The following LRP1B variants were observed in gnomAD, a reference collection of about 807,000 sequenced individuals.
LRP1B encodes LDL receptor related protein 1B, also known as low-density lipoprotein receptor-related protein 1B.
LRP1B carries 217 observed loss-of-function variants against 556.6 expected under a neutral mutation model. That is an observed-to-expected ratio of 0.39 (90% CI 0.35 to 0.44). The LOEUF (loss-of-function observed/expected upper bound fraction) is 0.44. Ranked by LOEUF, LRP1B falls within the 20% of genes least tolerant of loss-of-function variation. LRP1B has a pLI of 1.00. For missense variants in LRP1B, 5,053 were observed against 5,620.8 expected (o/e 0.90, Z 3.23); for synonymous variants, 2,047 against 1,865.8 (o/e 1.10, Z -2.50).
At chr2:140,509,890 A>C in intron 52 of LRP1B, 38 bp downstream of exon 52, 2 of 1,590,810 alleles carry the variant, frequency 1.3e-6, no homozygotes, top group Non-Finnish European at 1.7e-6. Context: ...ATGCTGCAAC[A>C]GTTTTCTTTG....
chr2:141,190,648 T>C (rs1057140453), intron 6 of LRP1B, among the ~76,000 whole-genome samples: 4 of 152,030 alleles, frequency 2.6e-5, no homozygotes, highest in African/African-American at 9.7e-5. Context: ...CTGGTCTGTT[T>C]CCCTCAATAA....
intron 41 of LRP1B, among the ~76,000 whole-genome samples, chr2:140,668,832 G>GAAAAATA (rs1312733389): frequency 6.6e-6 from 1 of 151,384 alleles, no homozygotes; most frequent in African/African-American, 2.4e-5. Context: ...CTTATACAAA[G>GAAAAATA]AAAAATAAAA....
At chr2:141,001,780 G>A (rs541465627) in intron 15 of LRP1B, among the ~76,000 whole-genome samples, 9 of 152,124 alleles carry the variant, frequency 5.9e-5, no homozygotes, top group African/African-American at 9.7e-5. Context: ...CTGTGTGTGC[G>A]TGTGCGTGCG....
intron 3 of LRP1B, among the ~76,000 whole-genome samples, chr2:141,456,640 A>T (rs1357432685): frequency 6.6e-6 from 1 of 152,220 alleles, no homozygotes; most frequent in Non-Finnish European, 1.5e-5. Flanking sequence ...TAAGATATGA[A>T]ATGAAAATAT....
At chr2:141,261,539 G>T (rs1281574219) in intron 3 of LRP1B, among the ~76,000 whole-genome samples, 1 of 151,958 alleles carries the variant, frequency 6.6e-6, no homozygotes, top group African/African-American at 2.4e-5. Context: ...GACAATTTTG[G>T]TGATCACTGA....
At chr2:141,830,630 A>T (rs2105745024) in intron 1 of LRP1B, among the ~76,000 whole-genome samples, 1 of 151,948 alleles carries the variant, frequency 6.6e-6, no homozygotes, top group East Asian at 1.9e-4. Flanking sequence ...TCAGTGGGAC[A>T]GTCTATAATT....
intron 1 of LRP1B, among the ~76,000 whole-genome samples, chr2:141,831,511 C>G (rs901367097): frequency 6.6e-6 from 1 of 151,362 alleles, no homozygotes; most frequent in Non-Finnish European, 1.5e-5. Context: ...TACCTTTTTT[C>G]CTAGAACATA....
intron 3 of LRP1B, among the ~76,000 whole-genome samples, chr2:141,453,879 C>G (rs963025297): frequency 6.7e-6 from 1 of 150,176 alleles, no homozygotes; most frequent in Non-Finnish European, 1.5e-5. Context: ...CAACATTGCA[C>G]TCAAGCCTGG....
chr2:141,965,799 A>G lies in LRP1B; in HGVS notation c.83-155398T>C, dbSNP rs1701544984. 1.8e-5 allele frequency among the ~76,000 whole-genome samples: 2 copies of G among 112,666 alleles called. 1 individual carries two copies. Among genetic ancestry groups the G allele is most frequent in the South Asian group, 5.0e-4 (2 of 3,988 alleles). The allele number at this position is 112,666 out of a possible 152,430, so 73.9% of individuals were successfully genotyped here. A position where few individuals can be genotyped will look rare whatever the true frequency, so the allele number is the denominator to read the frequency against. On this transcript the variant is annotated intron_variant, in intron 1 of 90. Coordinates refer to ENST00000389484, the MANE Select transcript of LRP1B (RefSeq NM_018557.3). ...TAAATAAATAAATAAATATGTATCC[A>G]AAAAAAAAAAAAAAGAAAATTGTTT...
At chr2:141,282,489 G>GTATATA (rs758970820) in intron 3 of LRP1B, among the ~76,000 whole-genome samples, 1 of 150,446 alleles carries the variant, frequency 6.6e-6, no homozygotes, top group Non-Finnish European at 1.5e-5. Context: ...ATATGTATAT[G>GTATATA]TATATGTATA....
At chr2:140,630,264 A>G (rs1683831710) in intron 41 of LRP1B, among the ~76,000 whole-genome samples, 1 of 152,218 alleles carries the variant, frequency 6.6e-6, no homozygotes, top group African/African-American at 2.4e-5. Context: ...GAGCCACAGT[A>G]GAAGAGCATA....
At chr2:140,382,390 T>C (rs2105191570) in intron 67 of LRP1B, among the ~76,000 whole-genome samples, 1 of 152,308 alleles carries the variant, frequency 6.6e-6, no homozygotes, top group South Asian at 2.1e-4. Flanking sequence ...GTAACTTAGA[T>C]GGCATATATG....
At chr2:141,598,628 A>C (rs985582063) in intron 2 of LRP1B, among the ~76,000 whole-genome samples, 1 of 152,162 alleles carries the variant, frequency 6.6e-6, no homozygotes, top group African/African-American at 2.4e-5. Context: ...AAATAATCTC[A>C]ACAATTGAGA....
chr2:140,646,965 T>A (rs1684507184), intron 41 of LRP1B, among the ~76,000 whole-genome samples: 1 of 152,016 alleles, frequency 6.6e-6, no homozygotes, highest in Non-Finnish European at 1.5e-5. Context: ...ACTTTCTCAA[T>A]GTTTCTTGAT....
At chr2:141,461,277 A>G (rs942511686) in intron 3 of LRP1B, among the ~76,000 whole-genome samples, 5 of 152,196 alleles carry the variant, frequency 3.3e-5, no homozygotes, top group African/African-American at 1.2e-4. Context: ...CAACTTTGTC[A>G]AAAACTATTG....
intron 41 of LRP1B, chr2:140,683,654 G>A (rs1345526821): frequency 2.3e-5 from 16 of 693,570 alleles, no homozygotes; most frequent in Middle Eastern, 2.6e-4. Flanking sequence ...CGAGTCCTCC[G>A]CATTTACAGC....
At chr2:141,400,066 G>C (rs533617751) in intron 3 of LRP1B, among the ~76,000 whole-genome samples, 1 of 151,986 alleles carries the variant, frequency 6.6e-6, no homozygotes, top group Non-Finnish European at 1.5e-5. Context: ...TCTCCCGGCA[G>C]CTTCAATCTC....
chr2:140,840,817 G>GTT (rs2105096621), intron 30 of LRP1B, 101 bp downstream of exon 30: 2 of 839,304 alleles, frequency 2.4e-6, no homozygotes, highest in East Asian at 2.8e-5. Flanking sequence ...TCTTATGGCT[G>GTT]TTATATATAT....
chr2:140,963,499 A>G lies in LRP1B; in HGVS notation c.2888-11559T>C, dbSNP rs6751191. 6.9e-3 allele frequency among the ~76,000 whole-genome samples: 1,058 copies of G among 152,244 alleles called. 11 individuals are homozygous for G. Among genetic ancestry groups the G allele is most frequent in the Middle Eastern group, 0.037 (11 of 294 alleles). The stretch of plus-strand genomic sequence containing the variant: ...AGATATTAATGCTGCTGAAGTCTCT[A>G]AATAATTCATGTTTACTCTTGATAA... On this transcript the variant is annotated intron_variant, in intron 18 of 90. Coordinates refer to ENST00000389484, the MANE Select transcript of LRP1B (RefSeq NM_018557.3).
Sources: allele counts gnomAD v4.1 joint callset (sites outside exome capture counted in the v4.1 genomes callset), GRCh38; gene constraint gnomAD v4.1.1; transcripts MANE v1.5; gene names NCBI Gene and HGNC (gene_info 2026-07-23, HGNC 2026-07-21).